The following ASPRV1 variants were observed in gnomAD, a reference collection of about 807,000 sequenced individuals.
The protein encoded by ASPRV1 is retroviral-like aspartic protease 1.
Under a neutral mutation model 11.0 loss-of-function variants are expected in ASPRV1, and 7 were observed. That is an observed-to-expected ratio of 0.64 (90% CI 0.36 to 1.20). The LOEUF (loss-of-function observed/expected upper bound fraction) is 1.20. Among genes scored for constraint, ASPRV1 ranks in the 50% most tolerant of loss-of-function variants. The pLI, the probability that ASPRV1 is intolerant of heterozygous loss-of-function variation, is 0.02. For missense variants in ASPRV1, 299 were observed against 320.0 expected, an observed-to-expected ratio of 0.93 and a Z score of 0.50; for synonymous variants, 136 against 138.4, an observed-to-expected ratio of 0.98 and a Z score of 0.12.
chr2:69,979,324 C>T, the ASPRV1 span, among the ~76,000 whole-genome samples: 3 of 152,192 alleles, frequency 2.0e-5, no homozygotes, highest in Admixed American at 1.3e-4. Context: ...TGAGCCACCA[C>T]GCCCGGCCAG....
At chr2:70,028,782 C>T in the ASPRV1 span, among the ~76,000 whole-genome samples, 10 of 151,876 alleles carry the variant, frequency 6.6e-5, no homozygotes, top group East Asian at 9.7e-4. Flanking sequence ...CATGGGATGA[C>T]GCAACAAAAA....
At chr2:69,965,151 G>A (rs1478437982), upstream of ASPRV1, among the ~76,000 whole-genome samples, 4 of 152,150 alleles carry the variant, frequency 2.6e-5, no homozygotes, top group Non-Finnish European at 4.4e-5. Flanking sequence ...GGGCTCAAGC[G>A]ATTCTCCTGC....
At chr2:70,064,313 T>C in the ASPRV1 span, among the ~76,000 whole-genome samples, 1 of 152,094 alleles carries the variant, frequency 6.6e-6, no homozygotes, top group Non-Finnish European at 1.5e-5. Context: ...CCCTCCCTAG[T>C]GCCCCACCTC....
the ASPRV1 span, among the ~76,000 whole-genome samples, chr2:69,949,671 T>G: frequency 6.6e-6 from 1 of 152,350 alleles, no homozygotes; most frequent in East Asian, 1.9e-4. Flanking sequence ...ATTGCATCGT[T>G]TTGTGCCTTT....
At chr2:70,035,321 G>T in the ASPRV1 span, among the ~76,000 whole-genome samples, 12 of 152,208 alleles carry the variant, frequency 7.9e-5, no homozygotes, top group African/African-American at 2.6e-4. Context: ...ACTCCTCTGT[G>T]GAATTACCAG....
chr2:69,996,755 TGA>T, the ASPRV1 span: 1 of 456,666 alleles, frequency 2.2e-6, no homozygotes, highest in Non-Finnish European at 4.4e-6. Flanking sequence ...TACCTGAGGC[TGA>T]GTCTGTGTGA....
chr2:69,933,317 CATG>C, the ASPRV1 span, among the ~76,000 whole-genome samples: 1 of 149,942 alleles, frequency 6.7e-6, no homozygotes, highest in Non-Finnish European at 1.5e-5. Context: ...TTTCTAATAA[CATG>C]ATCTATTTTC....
chr2:70,047,753 G>T, the ASPRV1 span, among the ~76,000 whole-genome samples: 3 of 152,316 alleles, frequency 2.0e-5, no homozygotes, highest in African/African-American at 7.2e-5. Context: ...CCCGAGAGGA[G>T]TTTCTGATTT....
the ASPRV1 span, among the ~76,000 whole-genome samples, chr2:69,992,867 T>G: frequency 1.3e-5 from 2 of 152,206 alleles, no homozygotes; most frequent in South Asian, 4.1e-4. Flanking sequence ...GTGCATTACG[T>G]AGTAATCTAT....
chr2:70,051,147 C>A, the ASPRV1 span: 1 of 152,122 alleles, frequency 6.6e-6, no homozygotes, highest in African/African-American at 2.4e-5. Flanking sequence ...TAGGTGCTAT[C>A]ATTATCCCTA....
chr2:70,067,094 C>T, the ASPRV1 span, among the ~76,000 whole-genome samples: 136 of 152,182 alleles, frequency 8.9e-4, no homozygotes, highest in African/African-American at 3.2e-3. Flanking sequence ...TCACTTAATC[C>T]TCAGAAGTAC....
the ASPRV1 span, among the ~76,000 whole-genome samples, chr2:70,059,190 C>A: frequency 6.6e-6 from 1 of 151,846 alleles, no homozygotes; most frequent in Admixed American, 6.6e-5. Context: ...CGTGCCTGGC[C>A]CACCAACTAA....
the ASPRV1 span, among the ~76,000 whole-genome samples, chr2:70,035,712 A>G: frequency 2.0e-5 from 3 of 151,222 alleles, no homozygotes; most frequent in Admixed American, 6.6e-5. Context: ...ATTTAATCCC[A>G]TAAGTATGAC....
At chr2:69,974,442 A>G in the ASPRV1 span, among the ~76,000 whole-genome samples, 3 of 152,208 alleles carry the variant, frequency 2.0e-5, no homozygotes, top group Non-Finnish European at 2.9e-5. Context: ...TTTATAATTT[A>G]ATTTTTCATA....
chr2:69,993,851 A>G, the ASPRV1 span: 1 of 152,216 alleles, frequency 6.6e-6, no homozygotes, highest in African/African-American at 2.4e-5. Flanking sequence ...TCTCTCTCTA[A>G]AAACCACCTT....
chr2:70,053,255 T>C, the ASPRV1 span, among the ~76,000 whole-genome samples: 3 of 151,888 alleles, frequency 2.0e-5, no homozygotes, highest in South Asian at 2.1e-4. Flanking sequence ...CTCTTACATA[T>C]GTAAGAGCAG....
chr2:69,969,199 C>T, the ASPRV1 span, among the ~76,000 whole-genome samples: 1 of 152,134 alleles, frequency 6.6e-6, no homozygotes, highest in African/African-American at 2.4e-5. Flanking sequence ...TGTGCCAGAA[C>T]GAGGGGTTGA....
chr2:69,963,822 A>C (rs1364526344), upstream of ASPRV1, among the ~76,000 whole-genome samples: 2 of 152,148 alleles, frequency 1.3e-5, no homozygotes, highest in Non-Finnish European at 2.9e-5. Flanking sequence ...CTCAGGTCCC[A>C]GGCTTTCCAG....
the ASPRV1 span, chr2:69,940,017 T>C: frequency 6.6e-6 from 1 of 152,072 alleles, no homozygotes; most frequent in Non-Finnish European, 1.5e-5. Context: ...TGTATTTTTC[T>C]AAACATTCTG....
Sources: gnomAD v4.1 joint callset for allele counts (sites outside exome capture counted in the v4.1 genomes callset) on GRCh38, gnomAD v4.1.1 for gene constraint, MANE v1.5 for transcripts, NCBI Gene and HGNC (gene_info 2026-07-23, HGNC 2026-07-21) for gene names.